The following TNRC6C variants were observed in gnomAD, a reference collection of about 807,000 sequenced individuals.
TNRC6C encodes trinucleotide repeat-containing gene 6C protein.
In TNRC6C, 20 loss-of-function variants were observed where a neutral mutation model predicts 153.7. That is an observed-to-expected ratio of 0.13 (90% CI 0.09 to 0.19). TNRC6C has a LOEUF of 0.19. Among genes scored for constraint, TNRC6C ranks in the 10% least tolerant of loss-of-function variants. The pLI is 1.00. For synonymous variants in TNRC6C, 811 were observed against 841.4 expected (o/e 0.96, Z 0.63); for missense variants, 1,987 against 2,172.0 (o/e 0.91, Z 1.69).
intron 1 of TNRC6C, among the ~76,000 whole-genome samples, chr17:77,968,428 G>A (rs533702166): frequency 5.3e-5 from 8 of 151,948 alleles, no homozygotes; most frequent in African/African-American, 1.2e-4. Context: ...TGCAACCTCC[G>A]CCTCCCGGGT....
chr17:78,038,824 AT>A (rs749973278), intron 2 of TNRC6C, among the ~76,000 whole-genome samples: 1 of 152,072 alleles, frequency 6.6e-6, no homozygotes, highest in Non-Finnish European at 1.5e-5. Context: ...AGTACTATGG[AT>A]TGAGTGCTTA....
chr17:78,006,545 T>TC (rs1491320254), intron 1 of TNRC6C, among the ~76,000 whole-genome samples: 1 of 129,166 alleles, frequency 7.7e-6, no homozygotes, highest in African/African-American at 3.3e-5. Flanking sequence ...TTCTTCTTCT[T>TC]CTTCTTCTTC....
At chr17:78,077,051 A>C (rs1398205859) in intron 8 of TNRC6C, 134 bp from the exon 11 acceptor site, 2 of 984,804 alleles carry the variant, frequency 2.0e-6, no homozygotes, top group Non-Finnish European at 1.4e-6. Context: ...CATGTTCTCC[A>C]TTCCCTTATC....
At position 78,051,109 on chromosome 17, in the gene TNRC6C, G is replaced by A. The variant is rs199892751; in HGVS notation, c.2047G>A (p.Ala683Thr). 7 of 1,589,030 alleles carry A rather than the reference G, an allele frequency of 4.4e-6. No homozygotes were observed. In the East Asian group the frequency reaches 1.4e-4, roughly 31 times the overall value. Residue 683 changes from alanine to threonine, a missense_variant, in exon 3 of 20, where the codon GCT becomes ACT. Ala to Thr is a moderately conservative substitution (Grantham distance 58, BLOSUM62 0). Transcript: ENST00000301624. ...CAATGTGAGTAACTGGGGAGGAGCT[G>A]CTTCTGTGAAACAGACAGGAACAGG...
At chr17:77,996,398 C>T (rs571195886) in intron 1 of TNRC6C, among the ~76,000 whole-genome samples, 3 of 152,132 alleles carry the variant, frequency 2.0e-5, no homozygotes, top group Admixed American at 6.5e-5. Flanking sequence ...GGACACAACC[C>T]GTGCAGCCTA....
chr17:78,097,935 C>A, intron 16 of TNRC6C, 74 bp downstream of exon 19: 1 of 1,218,672 alleles, frequency 8.2e-7, no homozygotes, highest in Non-Finnish European at 1.1e-6. Flanking sequence ...CAGGCCCCAG[C>A]TTTTCCTATT....
intron 1 of TNRC6C, among the ~76,000 whole-genome samples, chr17:78,013,809 T>C (rs1213146635): frequency 6.6e-6 from 1 of 152,148 alleles, no homozygotes; most frequent in Non-Finnish European, 1.5e-5. Flanking sequence ...GTATGGAGTA[T>C]GACATTTTCC....
intron 11 of TNRC6C, among the ~76,000 whole-genome samples, chr17:78,086,089 T>C (rs1182974538): frequency 6.6e-6 from 1 of 151,998 alleles, no homozygotes; most frequent in Non-Finnish European, 1.5e-5. Flanking sequence ...CCCAGCACTT[T>C]GGGAGGCTGA....
At chr17:78,002,957 A>G (rs2071435251), upstream of TNRC6C, among the ~76,000 whole-genome samples, 1 of 152,218 alleles carries the variant, frequency 6.6e-6, no homozygotes, top group Admixed American at 6.5e-5. Context: ...GAGTCAGGAA[A>G]TGGGAAGATT....
chr17:78,002,143 G>A (rs1221014199), upstream of TNRC6C, among the ~76,000 whole-genome samples: 2 of 151,510 alleles, frequency 1.3e-5, no homozygotes, highest in African/African-American at 2.4e-5. Flanking sequence ...TAATTTCACT[G>A]TGCAAGGTAG....
chr17:78,068,979 A>G lies in TNRC6C; in HGVS notation c.2778+1056A>G, dbSNP rs565856420. On this transcript the variant is annotated intron_variant, in intron 5 of 19. Coordinates refer to ENST00000301624, the Ensembl canonical transcript of TNRC6C. ...ACTTAAATATTAAAAATATGAAAAC[A>G]TGAAAGAACATTAAAAACAATTTTG... Among the ~76,000 whole-genome samples, 75 of 152,320 alleles carry G rather than the reference A, an allele frequency of 4.9e-4. 3 individuals are homozygous for G. Among genetic ancestry groups the G allele is most frequent in the African/African-American group, 1.8e-3 (73 of 41,568 alleles).
chr17:78,023,518 C>T (rs1054668170), intron 1 of TNRC6C, among the ~76,000 whole-genome samples: 2 of 152,138 alleles, frequency 1.3e-5, no homozygotes, highest in African/African-American at 4.8e-5. Context: ...TAGAATAAAA[C>T]TTTTGAGCTG....
At position 78,075,042 on chromosome 17, in the gene TNRC6C, C is replaced by T. The variant is rs1337469159; in HGVS notation, c.2918-94C>T. The T allele has an allele frequency of 1.4e-6, 2 of 1,456,538 alleles. No homozygotes were observed. The highest frequency in any genetic ancestry group is 1.9e-6 in the Non-Finnish European group (2 of 1,070,772). The allele number at this position is 1,456,538 out of a possible 1,614,324, so 90.2% of individuals were successfully genotyped here. A position where few individuals can be genotyped will look rare whatever the true frequency, so the allele number is the denominator to read the frequency against. Reference sequence around the variant, plus strand: ...CCCTGTGTTTGAAGGGGTGGAGGGTCTCCATCCCTCCTTGAGGCCTTAGCT... The same window carrying T: ...CCCTGTGTTTGAAGGGGTGGAGGGTTTCCATCCCTCCTTGAGGCCTTAGCT... On this transcript the variant is annotated intron_variant, in intron 7 of 19. Coordinates refer to ENST00000301624, the Ensembl canonical transcript of TNRC6C. This position sits in a 1 kb window ranked among gnomAD's most constrained non-coding sequence, Gnocchi z 4.2.
chr17:78,083,007 CAG>C (rs780012933), intron 10 of TNRC6C, 38 bp from the exon 13 acceptor site: 8 of 1,606,740 alleles, frequency 5.0e-6, no homozygotes, highest in Non-Finnish European at 6.8e-6. Context: ...ACTATTTTAA[CAG>C]AGATACAACG....
At chr17:78,103,269 T>C in intron 18 of TNRC6C, 145 bp from the exon 22 acceptor site, 1 of 976,682 alleles carries the variant, frequency 1.0e-6, no homozygotes, top group Non-Finnish European at 1.5e-6. Flanking sequence ...AACGTTAATG[T>C]TGTAAAACCA....
intron 3 of TNRC6C, 149 bp downstream of exon 5, chr17:78,051,597 A>G (rs760622960): frequency 2.9e-5 from 26 of 902,066 alleles, no homozygotes; most frequent in Non-Finnish European, 3.0e-5. Flanking sequence ...GCAATATTGT[A>G]TCTAAAGATT....
At chr17:78,018,651 TCTTA>T (rs1176666351) in intron 1 of TNRC6C, among the ~76,000 whole-genome samples, 1 of 152,198 alleles carries the variant, frequency 6.6e-6, no homozygotes, top group Non-Finnish European at 1.5e-5. Flanking sequence ...GAACCATGTA[TCTTA>T]CTTACACATC....
rs575862232 is a variant in TNRC6C, at chr17:78,079,827, A to T, written c.3357+286A>T. The stretch of plus-strand genomic sequence containing the variant: ...TCAGAAGCAATATTGAGGGGGAAGG[A>T]CCTGCCCAACACACTCCCATTGATG... On this transcript the variant is annotated intron_variant, in intron 10 of 19. Coordinates refer to ENST00000301624, the Ensembl canonical transcript of TNRC6C. The surrounding 1 kb of genome is among the most constrained non-coding windows in gnomAD (Gnocchi z 4.3). Among the ~76,000 whole-genome samples, 33 of 152,124 alleles carry T rather than the reference A, an allele frequency of 2.2e-4. No individual in the cohort carries two copies. The highest frequency in any genetic ancestry group is 4.1e-4 in the Non-Finnish European group (28 of 68,004).
At chr17:78,076,730 T>C (rs1345856287) in intron 8 of TNRC6C, among the ~76,000 whole-genome samples, 1 of 152,210 alleles carries the variant, frequency 6.6e-6, no homozygotes, top group Admixed American at 6.5e-5. Context: ...CTGTCTTTTA[T>C]TAGTTCTATA....
Sources: gnomAD v4.1 joint callset for allele counts (sites outside exome capture counted in the v4.1 genomes callset) on GRCh38, gnomAD v4.1.1 for gene constraint, Gnocchi (gnomAD v3.1) non-coding constraint, MANE v1.5 for transcripts, NCBI Gene and HGNC (gene_info 2026-07-23, HGNC 2026-07-21) for gene names.